IL12RB2: variants seen among roughly 807,000 people sequenced by gnomAD.
The protein encoded by IL12RB2 is interleukin 12 receptor subunit beta 2.
IL12RB2 carries 82 observed loss-of-function variants against 89.4 expected under a neutral mutation model. That is an observed-to-expected ratio of 0.92 (90% CI 0.77 to 1.10). The LOEUF is 1.10. Ranked by LOEUF, IL12RB2 falls within the 50% of genes least tolerant of loss-of-function variation. The pLI, the probability that IL12RB2 is intolerant of heterozygous loss-of-function variation, is 0.00. For synonymous variants in IL12RB2, 368 were observed against 370.1 expected (o/e 0.99, Z 0.07); for missense variants, 963 against 1,031.9 (o/e 0.93, Z 0.92).
intron 14 of IL12RB2, among the ~76,000 whole-genome samples, chr1:67,381,581 G>T (rs1359155686): frequency 6.6e-6 from 1 of 151,896 alleles, no homozygotes; most frequent in African/African-American, 2.4e-5. Context: ...GGCTAACACA[G>T]TGAAACCCCG....
intron 13 of IL12RB2, among the ~76,000 whole-genome samples, chr1:67,378,249 T>G (rs1319030739): frequency 4.6e-5 from 7 of 152,146 alleles, no homozygotes. Context: ...TTTTGAAAGG[T>G]CACTCCAAAA....
At position 67,396,513 on chromosome 1, in the gene IL12RB2, A is replaced by G; in HGVS notation, c.*424A>G. 1 of 242,436 alleles carries G rather than the reference A, an allele frequency of 4.1e-6. No homozygotes were observed. Among genetic ancestry groups the G allele is most frequent in the Non-Finnish European group, 8.2e-6 (1 of 122,502 alleles). 15.0% of individuals were successfully genotyped at this position (242,436 alleles called of 1,614,324 possible). A position where few individuals can be genotyped will look rare whatever the true frequency, so the allele number is the denominator to read the frequency against. ...GTACACAGCAGATCAGTACTGTTCA[A>G]CAGAACTTCCTGAGATGATGGAAAT... On this transcript the variant is annotated 3_prime_UTR_variant, in exon 17 of 17. Coordinates refer to ENST00000674203, the MANE Select transcript of IL12RB2 (RefSeq NM_001374259.2).
chr1:67,389,150 G>A (rs1359328334), intron 15 of IL12RB2, among the ~76,000 whole-genome samples: 1 of 152,002 alleles, frequency 6.6e-6, no homozygotes, highest in Non-Finnish European at 1.5e-5. Context: ...GGGCAGCTGT[G>A]CTCCATAGTT....
intron 15 of IL12RB2, among the ~76,000 whole-genome samples, chr1:67,387,092 A>C (rs56844263): frequency 6.6e-6 from 1 of 150,546 alleles, no homozygotes; most frequent in Non-Finnish European, 1.5e-5. Flanking sequence ...CCATGCCCAG[A>C]TAATTTTTGT....
chr1:67,351,699 A>C (rs1660866456), intron 10 of IL12RB2, among the ~76,000 whole-genome samples: 1 of 152,162 alleles, frequency 6.6e-6, no homozygotes, highest in Non-Finnish European at 1.5e-5. Flanking sequence ...CTATAGTAAA[A>C]TTTTGTTTTA....
intron 4 of IL12RB2, among the ~76,000 whole-genome samples, chr1:67,324,277 C>T (rs762246959): frequency 2.0e-5 from 3 of 152,190 alleles, no homozygotes; most frequent in Admixed American, 6.5e-5. Flanking sequence ...AGCTGGAGTG[C>T]GGTGGCGCAA....
At chr1:67,386,912 A>ATC (rs1665250135) in intron 15 of IL12RB2, among the ~76,000 whole-genome samples, 1 of 84,746 alleles carries the variant, frequency 1.2e-5, no homozygotes, top group Non-Finnish European at 2.7e-5. Context: ...ATATATATAT[A>ATC]TATATTCTTT....
chr1:67,353,584 AT>A (rs1378966837), intron 10 of IL12RB2, among the ~76,000 whole-genome samples: 2 of 152,228 alleles, frequency 1.3e-5, no homozygotes, highest in Non-Finnish European at 2.9e-5. Flanking sequence ...TAAATAAAAA[AT>A]AAATAAACAT....
intron 10 of IL12RB2, among the ~76,000 whole-genome samples, chr1:67,359,564 A>G (rs1661751144): frequency 6.6e-6 from 1 of 152,136 alleles, no homozygotes; most frequent in African/African-American, 2.4e-5. Context: ...TCTACTAAAT[A>G]TACAAAAATT....
chr1:67,398,347 T>C lies in IL12RB2; in HGVS notation c.*2258T>C, dbSNP rs1288302294. Among the ~76,000 whole-genome samples the C allele has an allele frequency of 6.6e-6, 1 of 151,968 alleles. No homozygotes were observed. The highest frequency in any genetic ancestry group is 1.5e-5 in the Non-Finnish European group (1 of 68,006). The stretch of plus-strand genomic sequence containing the variant: ...AATACCTGGTTTTTCCTATCTTTGG[T>C]TTCCTTTTGATTATCTCTCATCCAT... On this transcript the variant is annotated 3_prime_UTR_variant, in exon 17 of 17. Coordinates refer to ENST00000674203, the MANE Select transcript of IL12RB2 (RefSeq NM_001374259.2).
At chr1:67,316,966 G>A (rs950060840) in intron 2 of IL12RB2, among the ~76,000 whole-genome samples, 9 of 152,078 alleles carry the variant, frequency 5.9e-5, no homozygotes, top group Admixed American at 2.6e-4. Flanking sequence ...CTTCTGTCTT[G>A]TTCTTTACCG....
At chr1:67,345,855 ATAAGAGAG>A (rs1660159123) in intron 9 of IL12RB2, among the ~76,000 whole-genome samples, 1 of 152,216 alleles carries the variant, frequency 6.6e-6, no homozygotes, top group African/African-American at 2.4e-5. Flanking sequence ...GTGCAAAAAA[ATAAGAGAG>A]TAGGTAGCCA....
intron 10 of IL12RB2, among the ~76,000 whole-genome samples, chr1:67,353,126 CT>C (rs1338357658): frequency 2.0e-5 from 3 of 152,176 alleles, no homozygotes; most frequent in African/African-American, 7.2e-5. Flanking sequence ...AAAGAATGGA[CT>C]GGTTAAACTC....
chr1:67,381,714 C>T (rs1409445130), intron 14 of IL12RB2, among the ~76,000 whole-genome samples: 10 of 148,248 alleles, frequency 6.7e-5, no homozygotes, highest in South Asian at 2.1e-4. Flanking sequence ...TGCAGTGAGC[C>T]GAGATGGCAC....
chr1:67,362,139 C>CA (rs955090902), intron 10 of IL12RB2, among the ~76,000 whole-genome samples: 2 of 151,962 alleles, frequency 1.3e-5, no homozygotes, highest in African/African-American at 4.8e-5. Context: ...GCCATGGTGG[C>CA]ATGTGCCTAT....
intron 8 of IL12RB2, among the ~76,000 whole-genome samples, chr1:67,331,689 A>T (rs562110123): frequency 5.5e-4 from 84 of 152,232 alleles, no homozygotes; most frequent in Non-Finnish European, 1.0e-3. Flanking sequence ...AAGACAAGAA[A>T]TTAGCCAAGC....
At chr1:67,383,783 A>G (rs762945254) in intron 14 of IL12RB2, among the ~76,000 whole-genome samples, 18 of 152,192 alleles carry the variant, frequency 1.2e-4, no homozygotes, top group Non-Finnish European at 2.2e-4. Flanking sequence ...TTTATATCCT[A>G]CTGCTCAAGG....
At chr1:67,361,023 C>T (rs1470244634) in intron 10 of IL12RB2, among the ~76,000 whole-genome samples, 7 of 152,058 alleles carry the variant, frequency 4.6e-5, no homozygotes, top group Non-Finnish European at 8.8e-5. Context: ...ATACCCAACT[C>T]GAGCCCACTG....
Position 67,308,914 on chromosome 1 carries a change from G to C in IL12RB2, c.-125+947G>C, listed in dbSNP as rs183553257. The stretch of plus-strand genomic sequence containing the variant: ...GCACACCTGTAATCCCAGCTACTCG[G>C]GAGACTGAGGCAGGAGAATTGCTTG... On this transcript the variant is annotated intron_variant, in intron 1 of 16. Coordinates refer to ENST00000674203, the MANE Select transcript of IL12RB2 (RefSeq NM_001374259.2). Among the ~76,000 whole-genome samples the C allele has an allele frequency of 4.0e-3, 609 of 152,186 alleles. 5 individuals carry two copies. The highest frequency in any genetic ancestry group is 0.014 in the African/African-American group (575 of 41,504).
Sources: gnomAD v4.1 joint callset for allele counts (sites outside exome capture counted in the v4.1 genomes callset) on GRCh38, gnomAD v4.1.1 for gene constraint, MANE v1.5 for transcripts, NCBI Gene and HGNC (gene_info 2026-07-23, HGNC 2026-07-21) for gene names.